The following CNTN4 variants were observed in gnomAD, a reference collection of about 807,000 sequenced individuals.
CNTN4 encodes the protein contactin 4, also known as contactin-4.
CNTN4 carries 77 observed loss-of-function variants against 122.5 expected under a neutral mutation model. The observed-to-expected ratio is 0.63, with a 90% CI of 0.52 to 0.76. CNTN4 has a LOEUF of 0.76. Among genes scored for constraint, CNTN4 ranks in the 30% least tolerant of loss-of-function variants. The probability of loss-of-function intolerance (pLI) is 0.00; values close to 1 mark genes in which losing one functional copy is unlikely to be tolerated. For missense variants in CNTN4, 1,256 were observed against 1,259.1 expected (o/e 1.00, Z 0.04); for synonymous variants, 512 against 447.0 (o/e 1.15, Z -1.83).
At chr3:2,340,240 G>T (rs1431241378) in intron 3 of CNTN4, among the ~76,000 whole-genome samples, 1 of 152,114 alleles carries the variant, frequency 6.6e-6, no homozygotes, top group Non-Finnish European at 1.5e-5. Flanking sequence ...TGAAATTAAA[G>T]TTAATTATTG....
chr3:2,882,481 G>T (rs1375787835), intron 8 of CNTN4, among the ~76,000 whole-genome samples: 1 of 152,158 alleles, frequency 6.6e-6, no homozygotes, highest in Non-Finnish European at 1.5e-5. Flanking sequence ...GTCATTTTCC[G>T]GGATATAGGA....
At chr3:2,642,130 C>T (rs1235371562) in intron 4 of CNTN4, among the ~76,000 whole-genome samples, 1 of 152,168 alleles carries the variant, frequency 6.6e-6, no homozygotes, top group African/African-American at 2.4e-5. Context: ...AGTCCAAATC[C>T]CAAAACCTCA....
At chr3:2,395,855 T>C (rs1350441054) in intron 3 of CNTN4, among the ~76,000 whole-genome samples, 3 of 152,160 alleles carry the variant, frequency 2.0e-5, no homozygotes, top group Non-Finnish European at 4.4e-5. Context: ...TGAAGTATTG[T>C]TCAATAAAAA....
intron 4 of CNTN4, among the ~76,000 whole-genome samples, chr3:2,687,854 G>A (rs968619029): frequency 2.6e-5 from 4 of 152,098 alleles, no homozygotes; most frequent in East Asian, 1.9e-4. Context: ...TTTACAAATG[G>A]AGAGAATGAA....
intron 7 of CNTN4, among the ~76,000 whole-genome samples, chr3:2,832,274 T>G (rs1187786383): frequency 2.6e-5 from 4 of 152,198 alleles, no homozygotes; most frequent in Non-Finnish European, 5.9e-5. Flanking sequence ...GCAGAACCTT[T>G]CAGATACCAG....
At chr3:2,960,326 T>C (rs1182140343) in intron 13 of CNTN4, among the ~76,000 whole-genome samples, 1 of 152,230 alleles carries the variant, frequency 6.6e-6, no homozygotes, top group Non-Finnish European at 1.5e-5. Context: ...TCTGCAGATA[T>C]TTCTCATGTC....
chr3:2,587,985 G>A (rs781087812), intron 4 of CNTN4, among the ~76,000 whole-genome samples: 65 of 152,084 alleles, frequency 4.3e-4, no homozygotes, highest in Non-Finnish European at 7.6e-4. Context: ...AGCTTTCTAG[G>A]TCAGCGTTTC....
chr3:2,774,600 GA>G (rs2091241385), intron 6 of CNTN4, among the ~76,000 whole-genome samples: 1 of 151,946 alleles, frequency 6.6e-6, no homozygotes, highest in African/African-American at 2.4e-5. Flanking sequence ...TTCAGTTTTG[GA>G]AAACCTTCAA....
chr3:2,966,486 G>A (rs1433270843), intron 13 of CNTN4, among the ~76,000 whole-genome samples: 1 of 152,090 alleles, frequency 6.6e-6, no homozygotes, highest in Non-Finnish European at 1.5e-5. Context: ...GAAGGAGGGA[G>A]GGGTGGAAAA....
chr3:2,155,688 T>A (rs932613722), intron 2 of CNTN4, among the ~76,000 whole-genome samples: 1 of 152,162 alleles, frequency 6.6e-6, no homozygotes, highest in African/African-American at 2.4e-5. Context: ...CAAGTTGGGT[T>A]CATCTTCTCA....
chr3:2,778,173 C>A (rs2149824547), intron 6 of CNTN4, among the ~76,000 whole-genome samples: 1 of 141,154 alleles, frequency 7.1e-6, no homozygotes, highest in Non-Finnish European at 1.5e-5. Flanking sequence ...GAGATCGCGC[C>A]ACTGCACTCC....
chr3:2,729,817 G>A (rs1483942276), intron 4 of CNTN4, among the ~76,000 whole-genome samples: 1 of 148,574 alleles, frequency 6.7e-6, no homozygotes, highest in East Asian at 2.1e-4. Flanking sequence ...AGAAGGCTGA[G>A]GCAGGAGAAT....
chr3:2,808,739 T>A (rs1311082810), intron 6 of CNTN4, among the ~76,000 whole-genome samples: 2 of 152,196 alleles, frequency 1.3e-5, no homozygotes, highest in Non-Finnish European at 2.9e-5. Context: ...TACATTCCAA[T>A]TTTAATTTAT....
intron 3 of CNTN4, among the ~76,000 whole-genome samples, chr3:2,373,687 G>A (rs1164135700): frequency 6.6e-5 from 10 of 152,046 alleles, no homozygotes; most frequent in African/African-American, 1.9e-4. Context: ...CAATAACATC[G>A]GCGCCTAAAA....
At chr3:2,115,967 C>T (rs1200350449) in intron 2 of CNTN4, among the ~76,000 whole-genome samples, 1 of 152,160 alleles carries the variant, frequency 6.6e-6, no homozygotes, top group Non-Finnish European at 1.5e-5. Context: ...ACTTTGGGAA[C>T]CATGAGTCTT....
At chr3:2,702,345 A>G (rs2086402725) in intron 4 of CNTN4, among the ~76,000 whole-genome samples, 2 of 152,228 alleles carry the variant, frequency 1.3e-5, no homozygotes, top group Admixed American at 6.5e-5. Flanking sequence ...ACAAACGAAC[A>G]CTGCAAGTAT....
chr3:2,292,856 AAC>A (rs1455462661), intron 2 of CNTN4, among the ~76,000 whole-genome samples: 4 of 152,230 alleles, frequency 2.6e-5, no homozygotes, highest in Admixed American at 1.3e-4. Context: ...CTATAAATAA[AAC>A]AGTTATGAAT....
At chr3:2,722,923 T>C (rs1362437254) in intron 4 of CNTN4, among the ~76,000 whole-genome samples, 6 of 152,192 alleles carry the variant, frequency 3.9e-5, no homozygotes, top group African/African-American at 1.4e-4. Flanking sequence ...AACTTTGTAA[T>C]TTGAAAGAAT....
In CNTN4 at chr3:2,623,016, C is replaced by G. The variant is rs73805362; in HGVS notation, c.55+51458C>G. Among the ~76,000 whole-genome samples, 704 of 152,280 alleles carry G rather than the reference C, an allele frequency of 4.6e-3. 9 individuals are homozygous for G. The highest frequency in any genetic ancestry group is 0.016 in the African/African-American group (673 of 41,554). On this transcript the variant is annotated intron_variant, in intron 4 of 24. Transcript: ENST00000418658. ...TTTTCTGTAGCTATCAAGGACTTAC[C>G]TGAAAAGGAAAGGGTGACATCAGAA... is the stretch of plus-strand genomic sequence containing the variant.
Sources: gnomAD v4.1 joint callset for allele counts (sites outside exome capture counted in the v4.1 genomes callset) on GRCh38, gnomAD v4.1.1 for gene constraint, MANE v1.5 for transcripts, NCBI Gene and HGNC (gene_info 2026-07-23, HGNC 2026-07-21) for gene names.